The following TMEM184A variants were observed in gnomAD, a reference collection of about 807,000 sequenced individuals.
The protein encoded by TMEM184A is sexually dimorphic, expressed in male gonads 1.
Under a neutral mutation model 39.5 loss-of-function variants are expected in TMEM184A, and 40 were observed. That is an observed-to-expected ratio of 1.01 (90% CI 0.79 to 1.32). The LOEUF is 1.32. TMEM184A is among the 40% of genes most tolerant of loss of function. TMEM184A has a pLI of 0.00. For missense variants in TMEM184A, 603 were observed against 568.8 expected, an observed-to-expected ratio of 1.06 and a Z score of -0.61; for synonymous variants, 280 against 252.3, an observed-to-expected ratio of 1.11 and a Z score of -1.04.
At chr7:1,548,271 A>G (rs1054360953) in intron 7 of TMEM184A, among the ~76,000 whole-genome samples, 3 of 83,872 alleles carry the variant, frequency 3.6e-5, no homozygotes, top group Admixed American at 1.2e-4. Context: ...AGGATTCAGG[A>G]AACACCTGGT....
chr7:1,551,004 T>C (rs1784569621), intron 2 of TMEM184A, 22 bp from the exon 3 acceptor site: 1 of 1,590,808 alleles, frequency 6.3e-7, no homozygotes, highest in African/African-American at 1.4e-5. Context: ...AGGGGTCGCA[T>C]GAGAGCCGGG....
At position 1,544,634 on chromosome 7, in the gene TMEM184A, G is replaced by A. The variant is rs951918158; in HGVS notation, c.*2318C>T. The A allele has an allele frequency of 1.3e-5, 2 of 152,324 alleles. No individual in the cohort carries two copies. Among genetic ancestry groups the A allele is most frequent in the South Asian group, 2.1e-4 (1 of 4,834 alleles). 9.4% of individuals were successfully genotyped at this position (152,324 alleles called of 1,614,324 possible). A position where few individuals can be genotyped will look rare whatever the true frequency, so the allele number is the denominator to read the frequency against. ...ACGCTGCCTTCCGTCCACGCAGAGC[G>A]GGCTCGGCCCTCAGGGCTTTCCTTC... On this transcript the variant is annotated 3_prime_UTR_variant, in exon 9 of 9. Transcript: ENST00000297477.
Position 1,550,129 on chromosome 7 carries a change from A to G in TMEM184A, c.546T>C (p.Cys182=). 1 of 1,603,970 alleles carries G rather than the reference A, an allele frequency of 6.2e-7. No individual in the cohort carries two copies. Among genetic ancestry groups the G allele is most frequent in the Admixed American group, 1.7e-5 (1 of 58,812 alleles). Reference sequence around the variant, plus strand: ...GGGCTGGGTGGCCCCTCACCTGCTTACAGAAGCGCAGGAACCCGATGGAGT... The same window carrying G: ...GGGCTGGGTGGCCCCTCACCTGCTTGCAGAAGCGCAGGAACCCGATGGAGT... The part of the protein sequence containing the change: ...MTYSIGFLRF[C]KQATLQFCLV... Residue 182 remains cysteine (C), a synonymous_variant, in exon 5 of 9, where the codon TGT becomes TGC. Transcript: ENST00000297477.
rs368433742 is a variant in TMEM184A, at chr7:1,550,368, A to G, written c.413T>C (p.Leu138Pro). 14 of 1,612,558 alleles carry G rather than the reference A, an allele frequency of 8.7e-6. No homozygotes were observed. The highest frequency in any genetic ancestry group is 1.0e-5 in the Non-Finnish European group (12 of 1,179,706). The change falls in exon 4 of 9, where the codon CTG becomes CCG. Residue 138 changes from leucine to proline, a missense_variant. Physicochemically the swap from Leu to Pro is moderately conservative, Grantham distance 98. Transcript: ENST00000297477. ...EAFVIYSFLS[L>P]CFQYLGGEGA... ...CTCGCCTCCCAGGTACTGGAAACAC[A>G]GGCTCAGGAAGCTGTAAATGACAAA...
chr7:1,549,875 T>C lies in TMEM184A; in HGVS notation c.623A>G (p.Lys208Arg). Residue 208 changes from lysine (K) to arginine (R), a missense_variant, in exon 6 of 9, where the codon AAA becomes AGA. Coordinates refer to ENST00000297477, the MANE Select transcript of TMEM184A (RefSeq NM_001097620.2). ...VTTIILQAFG[K>R]YHDGDFNVRS... ...TTACTTGAAGTCCCCGTCGTGGTAT[T>C]TGCCAAATGCCTGGAGGATGATGGT... is the stretch of plus-strand genomic sequence containing the variant. 1 of 1,610,012 alleles carries C rather than the reference T, an allele frequency of 6.2e-7. No homozygotes were observed. The highest frequency in any genetic ancestry group is 8.5e-7 in the Non-Finnish European group (1 of 1,177,998).
chr7:1,555,536 G>T lies in TMEM184A; in HGVS notation c.1-52C>A. 7.0e-7 allele frequency: 1 copy of T among 1,426,958 alleles called. No homozygotes were observed. Among genetic ancestry groups the T allele is most frequent in the Non-Finnish European group, 9.8e-7 (1 of 1,025,088 alleles). 88.4% of individuals were successfully genotyped at this position (1,426,958 alleles called of 1,614,324 possible). ...GGGAGGAGTGAGGGCAAAGGTACTG[G>T]CTCCCGGCAGCAGGAAGCAGCGGGG... On this transcript the variant is annotated intron_variant, in intron 1 of 8. Transcript: ENST00000297477. The surrounding 1 kb of genome is among the most constrained non-coding windows in gnomAD (Gnocchi z 5.2).
Position 1,546,820 on chromosome 7 carries a change from C to T in TMEM184A, c.*132G>A. On this transcript the variant is annotated 3_prime_UTR_variant, in exon 9 of 9. Coordinates refer to ENST00000297477, the MANE Select transcript of TMEM184A (RefSeq NM_001097620.2). The stretch of plus-strand genomic sequence containing the variant: ...GGCTGGAGGGAGGATGGGAAGTGGG[C>T]TCCGAGGGCCTCACAGGTGGGCTCT... 1 of 617,644 alleles carries T rather than the reference C, an allele frequency of 1.6e-6. No individual in the cohort carries two copies. Among genetic ancestry groups the T allele is most frequent in the Non-Finnish European group, 2.7e-6 (1 of 372,146 alleles). The allele number at this position is 617,644 out of a possible 1,614,324, so 38.3% of individuals were successfully genotyped here. A position where few individuals can be genotyped will look rare whatever the true frequency, so the allele number is the denominator to read the frequency against.
intron 6 of TMEM184A, chr7:1,549,193 C>T (rs1011486425): frequency 2.2e-5 from 10 of 456,896 alleles, no homozygotes; most frequent in African/African-American, 4.0e-5. Flanking sequence ...GGTGTGTGCA[C>T]GGTTTGCGCA....
rs1424063730 is a variant in TMEM184A at position 1,546,397 on chromosome 7, C to G, written c.*555G>C. ...GCTGGCGTGTGGAGACACGTGGGCC[C>G]TTCTCCACGTGCCCACGAGGGCCGT... On this transcript the variant is annotated 3_prime_UTR_variant, in exon 9 of 9. Coordinates refer to ENST00000297477, the MANE Select transcript of TMEM184A (RefSeq NM_001097620.2). 1 of 152,260 alleles carries G rather than the reference C, an allele frequency of 6.6e-6. No individual in the cohort carries two copies. The allele number at this position is 152,260 out of a possible 1,614,324, so 9.4% of individuals were successfully genotyped here.
At position 1,550,127 on chromosome 7, in the gene TMEM184A, T is replaced by C. The variant is rs756314413; in HGVS notation, c.548A>G (p.Lys183Arg). ...CAGGGCTGGGTGGCCCCTCACCTGC[T>C]TACAGAAGCGCAGGAACCCGATGGA... ...TYSIGFLRFC[K>R]QATLQFCLVK... Residue 183 changes from lysine to arginine, a missense_variant, in exon 5 of 9, where the codon AAG becomes AGG. Lys to Arg is a conservative substitution (Grantham distance 26). Transcript: ENST00000297477. The C allele has an allele frequency of 2.5e-6, 4 of 1,603,456 alleles. No homozygotes were observed. Among genetic ancestry groups the C allele is most frequent in the Non-Finnish European group, 3.4e-6 (4 of 1,175,972 alleles).
Position 1,550,194 on chromosome 7 carries a change from T to C in TMEM184A, c.481A>G (p.Ser161Gly). Reference sequence around the variant, plus strand: ...AGGCAGCAGGTGCCGTACAAGCAGCTGGACCTGCGGGGGACGTCCCTGAGC... The same window carrying C: ...AGGCAGCAGGTGCCGTACAAGCAGCCGGACCTGCGGGGGACGTCCCTGAGC... ...AEIRGKPIKSSCLYGTCCLRG... is the reference protein window; with the variant it reads ...AEIRGKPIKSGCLYGTCCLRG... Residue 161 changes from serine (S) to glycine (G), a missense_variant, in exon 5 of 9, where the codon AGC (serine) becomes GGC (glycine). Physicochemically the swap from Ser to Gly is moderately conservative, Grantham distance 56 (BLOSUM62 0). Coordinates refer to ENST00000297477, the MANE Select transcript of TMEM184A (RefSeq NM_001097620.2). 1 of 1,608,038 alleles carries C rather than the reference T, an allele frequency of 6.2e-7. No individual in the cohort carries two copies. Among genetic ancestry groups the C allele is most frequent in the Non-Finnish European group, 8.5e-7 (1 of 1,177,944 alleles).
At chr7:1,547,641 C>A in intron 8 of TMEM184A, 101 bp downstream of exon 8, 3 of 1,280,252 alleles carry the variant, frequency 2.3e-6, no homozygotes, top group African/African-American at 1.5e-5. Flanking sequence ...CCCTGCCCAG[C>A]GAGCTGGCAT....
Position 1,555,630 on chromosome 7 carries a change from C to T in TMEM184A, c.1-146G>A. The T allele has an allele frequency of 1.4e-6, 1 of 693,262 alleles. No homozygotes were observed. The highest frequency in any genetic ancestry group is 2.6e-6 in the Non-Finnish European group (1 of 391,408). 42.9% of individuals were successfully genotyped at this position (693,262 alleles called of 1,614,324 possible). On this transcript the variant is annotated intron_variant, in intron 1 of 8. Transcript: ENST00000297477. The surrounding 1 kb of genome is among the most constrained non-coding windows in gnomAD (Gnocchi z 5.2). ...CCAGGCCGCACCCCCCACACGGACA[C>T]CAGCGCCAGGCCCGGCTCCCTCCCT...
chr7:1,551,442 C>A (rs1204863090), intron 2 of TMEM184A, among the ~76,000 whole-genome samples: 2 of 151,916 alleles, frequency 1.3e-5, no homozygotes, highest in Non-Finnish European at 2.9e-5. Flanking sequence ...TGGGTGCAGG[C>A]CACCAGGCAC....
chr7:1,548,629 A>G lies in TMEM184A; in HGVS notation c.704T>C (p.Leu235Pro), dbSNP rs1784444528. ...LIYNASVSLA[L>P]YALFLFYFTT... ...GAAGTAGAAGAGGAACAGGGCGTAG[A>G]GGGCGAGGCTGACGGAGGCGTTGTA... Residue 235 changes from leucine to proline, a missense_variant, in exon 7 of 9, where the codon CTC becomes CCC. Transcript: ENST00000297477. The G allele has an allele frequency of 6.2e-7, 1 of 1,613,810 alleles. No homozygotes were observed. Among genetic ancestry groups the G allele is most frequent in the Non-Finnish European group, 8.5e-7 (1 of 1,179,976 alleles).
chr7:1,547,440 T>G (rs1303602594), intron 8 of TMEM184A, among the ~76,000 whole-genome samples: 1 of 152,164 alleles, frequency 6.6e-6, no homozygotes, highest in African/African-American at 2.4e-5. Flanking sequence ...CGCCTTTGGC[T>G]GGCCTCGGGT....
chr7:1,549,603 T>C, intron 6 of TMEM184A: 1 of 611,792 alleles, frequency 1.6e-6, no homozygotes, highest in Non-Finnish European at 3.1e-6. Context: ...GGCACCGAGG[T>C]CCTTGTGGAG....
At position 1,555,517 on chromosome 7, in the gene TMEM184A, A is replaced by G; in HGVS notation, c.1-33T>C. The G allele has an allele frequency of 6.4e-7, 1 of 1,558,942 alleles. No individual in the cohort carries two copies. Among genetic ancestry groups the G allele is most frequent in the East Asian group, 2.2e-5 (1 of 44,648 alleles). ...GGGAGGGAGGACACACACCGGGAGG[A>G]GTGAGGGCAAAGGTACTGGCTCCCG... On this transcript the variant is annotated intron_variant, in intron 1 of 8. Transcript: ENST00000297477. The surrounding 1 kb of genome is among the most constrained non-coding windows in gnomAD (Gnocchi z 5.2).
At chr7:1,547,593 C>T in intron 8 of TMEM184A, 149 bp downstream of exon 8, 1 of 811,760 alleles carries the variant, frequency 1.2e-6, no homozygotes, top group East Asian at 2.7e-5. Context: ...CCACACAGCC[C>T]AGGTGCCTGT....
Sources: gnomAD v4.1 joint callset for allele counts (sites outside exome capture counted in the v4.1 genomes callset) on GRCh38, gnomAD v4.1.1 for gene constraint, Gnocchi (gnomAD v3.1) non-coding constraint, MANE v1.5 for transcripts, NCBI Gene and HGNC (gene_info 2026-07-23, HGNC 2026-07-21) for gene names.